MAP3K15: variants seen among roughly 807,000 people sequenced by gnomAD.
MAP3K15 encodes the protein mitogen-activated protein kinase kinase kinase 15.
A neutral mutation model predicts 99.5 loss-of-function variants in MAP3K15; 124 were observed. The ratio of observed to expected loss-of-function variants is 1.25; its 90% CI spans 1.08 to 1.45. The LOEUF is 1.45. Among genes scored for constraint, MAP3K15 ranks in the 40% most tolerant of loss-of-function variants. MAP3K15 has a pLI of 0.00. For synonymous variants in MAP3K15, 494 were observed against 439.6 expected, an observed-to-expected ratio of 1.12 and a Z score of -1.55; for missense variants, 1,242 against 1,079.7, an observed-to-expected ratio of 1.15 and a Z score of -2.11.
chrX:19,481,493 C>A (rs1266218370), intron 3 of MAP3K15, among the ~76,000 whole-genome samples: 2 of 111,160 alleles, frequency 1.8e-5, no homozygotes, highest in African/African-American at 6.5e-5. Context: ...ACAGATATAC[C>A]AAAAGCACGA....
chrX:19,378,218 G>A (rs748184265), intron 19 of MAP3K15, among the ~76,000 whole-genome samples: 2 of 112,382 alleles, frequency 1.8e-5, no homozygotes, highest in African/African-American at 3.2e-5. Context: ...CACACACTGC[G>A]GCCTCATCAT....
intron 6 of MAP3K15, among the ~76,000 whole-genome samples, chrX:19,451,990 T>G (rs2064042092): frequency 9.6e-6 from 1 of 104,246 alleles, no homozygotes; most frequent in African/African-American, 3.6e-5. Flanking sequence ...ACCTGGGAGG[T>G]GGAGGTTGCA....
intron 6 of MAP3K15, among the ~76,000 whole-genome samples, chrX:19,455,347 CTTTTTT>C (rs776661644): frequency 6.3e-5 from 6 of 94,648 alleles, no homozygotes; most frequent in Admixed American, 3.5e-4. Context: ...TTTCTTTTTT[CTTTTTT>C]TTTTTTTTGA....
At chrX:19,420,086 A>G (rs1280457511) in intron 9 of MAP3K15, among the ~76,000 whole-genome samples, 3 of 112,234 alleles carry the variant, frequency 2.7e-5, no homozygotes, top group Non-Finnish European at 3.8e-5. Flanking sequence ...AAGAGAAAGC[A>G]GGAAGATCCA....
At chrX:19,370,674 G>A (rs1015698773) in intron 24 of MAP3K15, among the ~76,000 whole-genome samples, 2 of 106,414 alleles carry the variant, frequency 1.9e-5, no homozygotes, top group African/African-American at 6.9e-5. Context: ...TGGGATTACA[G>A]GCATGAGCCA....
intron 10 of MAP3K15, among the ~76,000 whole-genome samples, chrX:19,414,878 T>C (rs758609795): frequency 1.7e-3 from 187 of 111,769 alleles, no homozygotes; most frequent in Non-Finnish European, 2.8e-3. Context: ...AGATGTACCT[T>C]AGGGGGACAA....
In MAP3K15 at chrX:19,515,291, G is replaced by A; in HGVS notation, c.-30C>T. The A allele has an allele frequency of 1.2e-6, 1 of 859,705 alleles. No homozygotes were observed. Among genetic ancestry groups the A allele is most frequent in the East Asian group, 5.5e-5 (1 of 18,342 alleles). The allele number at this position is 859,705 out of a possible 1,213,427, so 70.8% of individuals were successfully genotyped here. A position where few individuals can be genotyped will look rare whatever the true frequency, so the allele number is the denominator to read the frequency against. Reference sequence around the variant, plus strand: ...CCGCCTGCGCGCCCTTCCCCTGGGCGAGTGGCCAGCGGCTGCGATCCGCTA... The same window carrying A: ...CCGCCTGCGCGCCCTTCCCCTGGGCAAGTGGCCAGCGGCTGCGATCCGCTA... On this transcript the variant is annotated 5_prime_UTR_variant, in exon 1 of 29. Transcript: ENST00000338883.
intron 4 of MAP3K15, among the ~76,000 whole-genome samples, chrX:19,461,910 G>A (rs937194859): frequency 9.1e-6 from 1 of 110,128 alleles, no homozygotes; most frequent in Non-Finnish European, 1.9e-5. Context: ...AGAATCGCTC[G>A]AACCCGGGAG....
chrX:19,391,600 A>G (rs2063527298), intron 18 of MAP3K15, among the ~76,000 whole-genome samples: 1 of 99,314 alleles, frequency 1.0e-5, no homozygotes, highest in Non-Finnish European at 2.0e-5. Context: ...ATTTGAACCC[A>G]GGAGGTGGAG....
chrX:19,470,691 G>A (rs1405793020), intron 3 of MAP3K15, among the ~76,000 whole-genome samples: 2 of 111,510 alleles, frequency 1.8e-5, no homozygotes, highest in Admixed American at 9.6e-5. Context: ...TCAGTATCTG[G>A]AGTTTCTACA....
chrX:19,457,135 A>C (rs777833718), intron 5 of MAP3K15, 116 bp from the exon 6 acceptor site: 1 of 475,151 alleles, frequency 2.1e-6, no homozygotes, highest in Admixed American at 3.1e-5. Flanking sequence ...CCTTCCTTAC[A>C]AAGGGCATTT....
chrX:19,477,529 G>T (rs1486302765), intron 3 of MAP3K15, among the ~76,000 whole-genome samples: 1 of 107,575 alleles, frequency 9.3e-6, no homozygotes, highest in Non-Finnish European at 1.9e-5. Context: ...GGCCAACAGG[G>T]TTAAACCCCA....
chrX:19,435,723 G>A (rs1187876666), intron 6 of MAP3K15, among the ~76,000 whole-genome samples: 10 of 112,248 alleles, frequency 8.9e-5, no homozygotes, highest in Non-Finnish European at 3.8e-5. Flanking sequence ...CAGATCCCAA[G>A]GTATCCAAGA....
At chrX:19,478,722 A>G (rs2064269459) in intron 3 of MAP3K15, among the ~76,000 whole-genome samples, 1 of 106,346 alleles carries the variant, frequency 9.4e-6, no homozygotes, top group African/African-American at 3.4e-5. Flanking sequence ...GAGGTCAAGA[A>G]CCAGATTAGT....
intron 6 of MAP3K15, among the ~76,000 whole-genome samples, chrX:19,447,693 C>T (rs980900418): frequency 2.0e-5 from 2 of 99,306 alleles, no homozygotes; most frequent in East Asian, 6.4e-4. Flanking sequence ...ACCATCCCGG[C>T]TAAAAGCGGT....
At position 19,483,773 on chromosome X, in the gene MAP3K15, C is replaced by A. The variant is rs1388011770; in HGVS notation, c.525+2709G>T. ...TTTGACATTCTATTTTAATGTTTAA[C>A]CACCATTAGTTGCAAGATGTCCATT... On this transcript the variant is annotated intron_variant, in intron 3 of 28. Coordinates refer to ENST00000338883, the MANE Select transcript of MAP3K15 (RefSeq NM_001001671.4). Among the ~76,000 whole-genome samples the A allele has an allele frequency of 4.5e-5, 5 of 111,833 alleles. No individual in the cohort carries two copies. The South Asian group carries it at 1.5e-3, about 33-fold the overall frequency.
intron 1 of MAP3K15, among the ~76,000 whole-genome samples, chrX:19,492,246 C>G (rs1019384543): frequency 1.8e-5 from 2 of 110,770 alleles, no homozygotes; most frequent in African/African-American, 6.6e-5. Context: ...TTTGTTTCAT[C>G]TTTACTACCA....
At chrX:19,410,026 A>T in intron 11 of MAP3K15, 53 bp from the exon 12 acceptor site, 1 of 1,067,046 alleles carries the variant, frequency 9.4e-7, no homozygotes, top group Non-Finnish European at 1.3e-6. Context: ...AAAGCAAATG[A>T]TTTTTTTTGT....
chrX:19,463,961 A>G (rs1027683769), intron 4 of MAP3K15, among the ~76,000 whole-genome samples: 13 of 110,979 alleles, frequency 1.2e-4, no homozygotes, highest in African/African-American at 3.9e-4. Context: ...GAGACAGAAC[A>G]ATCAGAGAGA....
Sources: gnomAD v4.1 joint callset for allele counts (sites outside exome capture counted in the v4.1 genomes callset) on GRCh38, gnomAD v4.1.1 for gene constraint, MANE v1.5 for transcripts, NCBI Gene and HGNC (gene_info 2026-07-23, HGNC 2026-07-21) for gene names.